Variants in ARID2 observed in about 807,000 individuals in gnomAD.
The protein encoded by ARID2 is AT-rich interaction domain 2, also known as AT-rich interactive domain-containing protein 2.
In ARID2, 32 loss-of-function variants were observed where a neutral mutation model predicts 184.6. The observed-to-expected ratio is 0.17, with a 90% CI of 0.13 to 0.23. The LOEUF (loss-of-function observed/expected upper bound fraction) is 0.23. Among genes scored for constraint, ARID2 ranks in the 10% least tolerant of loss-of-function variants. The pLI is 1.00. For synonymous variants in ARID2, 836 were observed against 772.6 expected, an observed-to-expected ratio of 1.08 and a Z score of -1.36; for missense variants, 1,696 against 2,197.6, an observed-to-expected ratio of 0.77 and a Z score of 4.56.
intron 3 of ARID2, among the ~76,000 whole-genome samples, chr12:45,754,053 C>T (rs906583866): frequency 6.6e-6 from 1 of 152,164 alleles, no homozygotes; most frequent in Non-Finnish European, 1.5e-5. Context: ...CATTGAAATA[C>T]ATTTATGATT....
rs569000886 is a variant in ARID2 at position 45,789,771 on chromosome 12, C to G, written c.285-21647C>G. On this transcript the variant is annotated intron_variant, in intron 3 of 20. Transcript: ENST00000334344. ...GTATCATGTATTTCTGGAAATTGAA[C>G]CTTTTATCATTATAATGTGACCCTT... 12 of 152,138 alleles carry G rather than the reference C, an allele frequency of 7.9e-5. No individual in the cohort carries two copies. In the South Asian group the frequency reaches 1.0e-3, roughly 13 times the overall value. 9.4% of individuals were successfully genotyped at this position (152,138 alleles called of 1,614,324 possible).
chr12:45,757,105 A>G (rs2138003390), intron 3 of ARID2, among the ~76,000 whole-genome samples: 1 of 152,264 alleles, frequency 6.6e-6, no homozygotes, highest in Middle Eastern at 3.4e-3. Context: ...TTAAGCTCCT[A>G]ATGAAGTATC....
chr12:45,814,086 C>T (rs536701738), intron 4 of ARID2, among the ~76,000 whole-genome samples: 29 of 152,104 alleles, frequency 1.9e-4, no homozygotes, highest in Admixed American at 5.2e-4. Context: ...CTTAAATTTT[C>T]GGTTTCAAGA....
intron 3 of ARID2, among the ~76,000 whole-genome samples, chr12:45,779,941 A>G (rs1233497951): frequency 6.6e-6 from 1 of 152,164 alleles, no homozygotes; most frequent in African/African-American, 2.4e-5. Flanking sequence ...TCATTTGCTT[A>G]CAATATTTAT....
chr12:45,899,840 A>G (rs1433313806), intron 20 of ARID2, among the ~76,000 whole-genome samples: 2 of 150,450 alleles, frequency 1.3e-5, no homozygotes, highest in Non-Finnish European at 3.0e-5. Context: ...AATTGCTTTC[A>G]TATTTCAAAA....
At position 45,904,288 on chromosome 12, in the gene ARID2, A is replaced by G. The variant is rs1009361333; in HGVS notation, c.5364-646A>G. ...TAATTTCATGTCATCCCTTAAAAGC[A>G]ACCATTTTGTTCCTCTCCAGCTGTT... On this transcript the variant is annotated intron_variant, in intron 20 of 20. Transcript: ENST00000334344. 7 of 708,718 alleles carry G rather than the reference A, an allele frequency of 9.9e-6. No individual in the cohort carries two copies. The African/African-American group carries it at 1.2e-4, about 13-fold the overall frequency. 43.9% of individuals were successfully genotyped at this position (708,718 alleles called of 1,614,324 possible).
intron 3 of ARID2, among the ~76,000 whole-genome samples, chr12:45,755,339 A>G (rs1941547067): frequency 6.6e-6 from 1 of 152,238 alleles, no homozygotes; most frequent in Non-Finnish European, 1.5e-5. Context: ...AGGAGGAAGT[A>G]GTGGCAGGAA....
chr12:45,764,481 G>T (rs1042212226), intron 3 of ARID2, among the ~76,000 whole-genome samples: 1 of 152,178 alleles, frequency 6.6e-6, no homozygotes, highest in African/African-American at 2.4e-5. Context: ...TAGAACAGTT[G>T]TGTTACCCCT....
intron 16 of ARID2, among the ~76,000 whole-genome samples, chr12:45,878,871 G>C (rs1313374879): frequency 6.6e-6 from 1 of 152,106 alleles, no homozygotes; most frequent in African/African-American, 2.4e-5. Flanking sequence ...AGCCTTTGGC[G>C]TGAGGTTTTA....
intron 4 of ARID2, among the ~76,000 whole-genome samples, chr12:45,815,356 C>CA (rs1942786942): frequency 2.0e-5 from 3 of 152,026 alleles, no homozygotes; most frequent in African/African-American, 7.2e-5. Context: ...TAAGGATTAT[C>CA]AAAAATGAAC....
intron 14 of ARID2, 123 bp downstream of exon 14, chr12:45,849,899 G>T: frequency 3.6e-6 from 5 of 1,407,018 alleles, no homozygotes; most frequent in Non-Finnish European, 4.7e-6. Context: ...TTCTTACTTG[G>T]TCTATTACCA....
chr12:45,833,796 A>T (rs1256399606), intron 6 of ARID2, among the ~76,000 whole-genome samples: 1 of 152,156 alleles, frequency 6.6e-6, no homozygotes, highest in Non-Finnish European at 1.5e-5. Context: ...GCCTCTTATA[A>T]TTGTTCTCTC....
At chr12:45,739,952 G>C (rs1399156767) in intron 3 of ARID2, among the ~76,000 whole-genome samples, 1 of 152,130 alleles carries the variant, frequency 6.6e-6, no homozygotes, top group Admixed American at 6.5e-5. Context: ...TTTCCATAAT[G>C]GTTCATAGAT....
At chr12:45,779,212 GTAATTAC>G (rs1942042756) in intron 3 of ARID2, among the ~76,000 whole-genome samples, 1 of 151,860 alleles carries the variant, frequency 6.6e-6, no homozygotes, top group Non-Finnish European at 1.5e-5. Context: ...TTCTAGAGGG[GTAATTAC>G]TAAGTCAGGA....
chr12:45,835,177 T>G (rs1279521946), intron 6 of ARID2, among the ~76,000 whole-genome samples: 1 of 152,212 alleles, frequency 6.6e-6, no homozygotes, highest in Non-Finnish European at 1.5e-5. Context: ...TTTAGTTATG[T>G]TTTTCAGTTG....
At chr12:45,816,508 A>C (rs1942804707) in intron 4 of ARID2, among the ~76,000 whole-genome samples, 1 of 152,202 alleles carries the variant, frequency 6.6e-6, no homozygotes, top group African/African-American at 2.4e-5. Context: ...TTTGGAAAAC[A>C]GTTTCACAGT....
intron 3 of ARID2, among the ~76,000 whole-genome samples, chr12:45,784,276 C>G (rs1026178955): frequency 6.6e-6 from 1 of 152,120 alleles, no homozygotes; most frequent in Non-Finnish European, 1.5e-5. Flanking sequence ...CTGCTTCAGC[C>G]TCCTGAGTCT....
intron 3 of ARID2, among the ~76,000 whole-genome samples, chr12:45,792,994 A>G (rs1420419870): frequency 6.6e-6 from 1 of 152,106 alleles, no homozygotes; most frequent in East Asian, 1.9e-4. Flanking sequence ...CTGGTGATGT[A>G]TTTGGGTTTA....
intron 3 of ARID2, among the ~76,000 whole-genome samples, chr12:45,743,934 G>A (rs926234124): frequency 1.3e-5 from 2 of 151,896 alleles, no homozygotes; most frequent in Admixed American, 6.6e-5. Flanking sequence ...AAAAGCTGTT[G>A]AACTTTTATA....
Sources: allele counts gnomAD v4.1 joint callset (sites outside exome capture counted in the v4.1 genomes callset), GRCh38; gene constraint gnomAD v4.1.1; transcripts MANE v1.5; gene names NCBI Gene and HGNC (gene_info 2026-07-23, HGNC 2026-07-21).